Variants in TNFRSF10D observed in about 807,000 individuals in gnomAD.
The protein encoded by TNFRSF10D is TNF receptor superfamily member 10d, also known as tumor necrosis factor receptor superfamily member 10D.
In TNFRSF10D, 28 loss-of-function variants were observed where a neutral mutation model predicts 42.1. That is an observed-to-expected ratio of 0.66 (90% confidence interval 0.49 to 0.91). The LOEUF (loss-of-function observed/expected upper bound fraction) is 0.91, where lower values mean the gene tolerates loss of function less well. TNFRSF10D is among the 40% of genes least tolerant of loss of function. The probability of loss-of-function intolerance (pLI) is 0.00; values close to 1 mark genes in which losing one functional copy is unlikely to be tolerated. For synonymous variants in TNFRSF10D, 186 were observed against 189.4 expected (o/e 0.98, Z 0.15); for missense variants, 503 against 486.1 (o/e 1.03, Z -0.33).
intron 3 of TNFRSF10D, among the ~76,000 whole-genome samples, chr8:23,147,625 T>C (rs1437481838): frequency 1.3e-5 from 2 of 152,154 alleles, no homozygotes; most frequent in Non-Finnish European, 2.9e-5. Context: ...CCTGGTGGCA[T>C]GCATTACAGA....
intron 1 of TNFRSF10D, 32 bp downstream of exon 1, chr8:23,163,754 T>C (rs1800409603): frequency 6.2e-7 from 1 of 1,602,304 alleles, no homozygotes; most frequent in Non-Finnish European, 8.5e-7. Context: ...AGGTGCGCTC[T>C]TCCCCAGCCA....
At position 23,138,212 on chromosome 8, in the gene TNFRSF10D, C is replaced by T. The variant is rs1287472397; in HGVS notation, c.1003G>A (p.Val335Met). 1.9e-6 allele frequency: 3 copies of T among 1,614,238 alleles called. No homozygotes were observed. The highest frequency in any genetic ancestry group is 3.3e-5 in the Admixed American group (2 of 60,034). Reference protein sequence around the residue: ...GCQRRRLLVPVNDADSADIST... With the variant: ...GCQRRRLLVPMNDADSADIST... ...CTGTCAGCGGAGTCAGCGTCATTCA[C>T]TGGAACCAGCAGCCTCCTCCTCTGA... The change falls in exon 8 of 9, where the codon GTG becomes ATG. Residue 335 changes from valine (V) to methionine (M), a missense_variant. By Grantham distance (21) the Val-to-Met change is conservative (BLOSUM62 1). Coordinates refer to ENST00000312584, the MANE Select transcript of TNFRSF10D (RefSeq NM_003840.5).
intron 7 of TNFRSF10D, 88 bp from the exon 8 acceptor site, chr8:23,138,348 G>A: frequency 7.0e-7 from 1 of 1,432,800 alleles, no homozygotes; most frequent in South Asian, 1.2e-5. Flanking sequence ...CAAGAGACCT[G>A]CAGCGCTTTC....
At chr8:23,144,720 A>C in intron 6 of TNFRSF10D, 85 bp from the exon 7 acceptor site, 1 of 1,491,340 alleles carries the variant, frequency 6.7e-7, no homozygotes, top group Non-Finnish European at 9.1e-7. Context: ...TGCCATCCCC[A>C]ACCCCTTCCA....
intron 5 of TNFRSF10D, 39 bp from the exon 6 acceptor site, chr8:23,145,128 C>G: frequency 6.2e-7 from 1 of 1,613,020 alleles, no homozygotes; most frequent in Non-Finnish European, 8.5e-7. Flanking sequence ...CGGGGAGGGG[C>G]CCATGCAGCA....
In TNFRSF10D at chr8:23,163,978, G is replaced by C. The variant is rs552051585; in HGVS notation, c.-43C>G. ...GATCGAAAGCGCCAAAAATCAATCA[G>C]AAATCGTCCCCGTAGTTTGTGCGCG... On this transcript the variant is annotated 5_prime_UTR_variant, in exon 1 of 9. Coordinates refer to ENST00000312584, the MANE Select transcript of TNFRSF10D (RefSeq NM_003840.5). 3 of 1,521,702 alleles carry C rather than the reference G, an allele frequency of 2.0e-6. No homozygotes were observed. In the African/African-American group the frequency reaches 4.3e-5, roughly 22 times the overall value. The allele number at this position is 1,521,702 out of a possible 1,614,324, so 94.3% of individuals were successfully genotyped here. A position where few individuals can be genotyped will look rare whatever the true frequency, so the allele number is the denominator to read the frequency against.
chr8:23,151,071 C>T (rs188794746), intron 2 of TNFRSF10D, among the ~76,000 whole-genome samples: 69 of 151,744 alleles, frequency 4.5e-4, no homozygotes, highest in African/African-American at 1.6e-3. Context: ...CAAAAAACCC[C>T]TAACAGATAA....
chr8:23,152,337 G>A (rs980084860), intron 2 of TNFRSF10D, among the ~76,000 whole-genome samples: 8 of 152,208 alleles, frequency 5.3e-5, no homozygotes, highest in African/African-American at 1.9e-4. Flanking sequence ...AAGAGACAGA[G>A]AGAGAGGACC....
chr8:23,145,076 A>T lies in TNFRSF10D; in HGVS notation c.750T>A (p.Gly250=), dbSNP rs1764642373. The change falls in exon 6 of 9, where the codon GGT becomes GGA. Residue 250 remains glycine, a synonymous_variant. Coordinates refer to ENST00000312584, the MANE Select transcript of TNFRSF10D (RefSeq NM_003840.5). The part of the protein sequence containing the change: ...LKGICSGGGG[G]PERVHRVLFR... ...AACTCACTCTGTGCACACGTTCGGG[A>T]CCTCCTCCACCACCTGGAAAAGAAG... The T allele has an allele frequency of 6.2e-7, 1 of 1,613,774 alleles. No homozygotes were observed. Among genetic ancestry groups the T allele is most frequent in the Admixed American group, 1.7e-5 (1 of 59,982 alleles).
In TNFRSF10D at chr8:23,136,022, TCCATGG is replaced by T; in HGVS notation, c.*1842_*1847del. The T allele has an allele frequency of 2.4e-6, 1 of 419,004 alleles. No individual in the cohort carries two copies. The highest frequency in any genetic ancestry group is 2.0e-5 in the African/African-American group (1 of 49,264). The allele number at this position is 419,004 out of a possible 1,614,324, so 26.0% of individuals were successfully genotyped here. On this transcript the variant is annotated 3_prime_UTR_variant, in exon 9 of 9. Transcript: ENST00000312584. Reference sequence around the variant, plus strand: ...CGGAAAGGCCATCCCCTCCTAAAACTCCATGGACACAACAATCTGAATGTGCGAACT... The same window carrying T: ...CGGAAAGGCCATCCCCTCCTAAAACTACACAACAATCTGAATGTGCGAACT...
At chr8:23,159,101 GTGT>G (rs1398569255) in intron 1 of TNFRSF10D, among the ~76,000 whole-genome samples, 905 of 152,106 alleles carry the variant, frequency 5.9e-3, no homozygotes, top group African/African-American at 0.019. Flanking sequence ...CTGTGTGTGT[GTGT>G]GTGTCTGTGT....
At chr8:23,142,208 T>C (rs1036978035) in intron 7 of TNFRSF10D, among the ~76,000 whole-genome samples, 1 of 151,626 alleles carries the variant, frequency 6.6e-6, no homozygotes, top group Non-Finnish European at 1.5e-5. Flanking sequence ...GGGGCGGAGG[T>C]TGCAGTGAGC....
chr8:23,160,133 C>T (rs1479785157), intron 1 of TNFRSF10D, among the ~76,000 whole-genome samples: 518 of 151,420 alleles, frequency 3.4e-3, no homozygotes, highest in African/African-American at 0.011. Flanking sequence ...TATATGATTC[C>T]TGGTGTCACC....
At chr8:23,162,986 A>G (rs1800393502) in intron 1 of TNFRSF10D, among the ~76,000 whole-genome samples, 1 of 151,804 alleles carries the variant, frequency 6.6e-6, no homozygotes, top group Admixed American at 6.6e-5. Context: ...CAGTGGTGCA[A>G]TCTCGGCTCA....
intron 1 of TNFRSF10D, among the ~76,000 whole-genome samples, chr8:23,159,854 C>G (rs1346061866): frequency 6.6e-6 from 1 of 151,776 alleles, no homozygotes; most frequent in East Asian, 1.9e-4. Flanking sequence ...CAGAACAATA[C>G]TCCATCTCAA....
chr8:23,140,784 C>A (rs35207185), intron 7 of TNFRSF10D, among the ~76,000 whole-genome samples: 20,699 of 152,114 alleles, frequency 0.14, 1,864 homozygotes, highest in Non-Finnish European at 0.19. Context: ...TAAGATGTGC[C>A]TTTGCTCATC....
At chr8:23,157,220 C>T (rs1268794891) in intron 1 of TNFRSF10D, among the ~76,000 whole-genome samples, 2 of 150,768 alleles carry the variant, frequency 1.3e-5, no homozygotes, top group African/African-American at 5.0e-5. Context: ...TTTTAATAGA[C>T]ACATTGAAAG....
rs200819178 is a variant in TNFRSF10D at position 23,145,081 on chromosome 8, C to T, written c.745G>A (p.Gly249Arg). The T allele has an allele frequency of 6.4e-4, 1,028 of 1,613,896 alleles. No individual in the cohort carries two copies. In the South Asian group the frequency reaches 8.8e-3, roughly 14 times the overall value. ...ACTCTGTGCACACGTTCGGGACCTC[C>T]TCCACCACCTGGAAAAGAAGCAGTC... is the stretch of plus-strand genomic sequence containing the variant. ...YLKGICSGGGGGPERVHRVLF... is the reference protein window; with the variant it reads ...YLKGICSGGGRGPERVHRVLF... The change falls in exon 6 of 9, where the codon GGA becomes AGA. Residue 249 changes from glycine (G) to arginine (R), a missense_variant. Transcript: ENST00000312584.
chr8:23,163,640 G>T, intron 1 of TNFRSF10D, 146 bp downstream of exon 1: 1 of 1,309,820 alleles, frequency 7.6e-7, no homozygotes, highest in Non-Finnish European at 1.0e-6. Context: ...CTCTTCCCCT[G>T]ACTCCGACGG....
Sources: gnomAD v4.1 joint callset for allele counts (sites outside exome capture counted in the v4.1 genomes callset) on GRCh38, gnomAD v4.1.1 for gene constraint, MANE v1.5 for transcripts, NCBI Gene and HGNC (gene_info 2026-07-23, HGNC 2026-07-21) for gene names.